SUCLG2: variants seen among roughly 807,000 people sequenced by gnomAD.
The protein encoded by SUCLG2 is succinate-CoA ligase GDP-forming subunit beta.
In SUCLG2, 42 loss-of-function variants were observed where a neutral mutation model predicts 47.9. That is an observed-to-expected ratio of 0.88 (90% CI 0.69 to 1.14). The LOEUF is 1.14. SUCLG2 is among the 50% of genes most tolerant of loss of function. The pLI is 0.00. For missense variants in SUCLG2, 571 were observed against 525.9 expected (o/e 1.09, Z -0.84); for synonymous variants, 195 against 197.3 (o/e 0.99, Z 0.10).
intron 1 of SUCLG2, among the ~76,000 whole-genome samples, chr3:67,625,769 C>T (rs898325768): frequency 6.6e-6 from 1 of 152,138 alleles, no homozygotes; most frequent in Admixed American, 6.5e-5. Flanking sequence ...CACCAAGTAT[C>T]ACCTACACTA....
At chr3:67,481,950 G>A (rs1253820376) in intron 9 of SUCLG2, among the ~76,000 whole-genome samples, 1 of 152,140 alleles carries the variant, frequency 6.6e-6, no homozygotes, top group Non-Finnish European at 1.5e-5. Flanking sequence ...AGGCCGAGGC[G>A]GGCGGACCAC....
At chr3:67,365,381 C>T (rs1210033377) in intron 10 of SUCLG2, among the ~76,000 whole-genome samples, 2 of 152,116 alleles carry the variant, frequency 1.3e-5, no homozygotes, top group East Asian at 3.9e-4. Context: ...TCACTTTGTT[C>T]AGATTATGAA....
intron 2 of SUCLG2, among the ~76,000 whole-genome samples, chr3:67,559,688 C>A (rs1478327282): frequency 1.3e-5 from 2 of 152,062 alleles, no homozygotes; most frequent in African/African-American, 4.8e-5. Flanking sequence ...AGAGGTGAAA[C>A]TTTGTGAAAC....
chr3:67,372,388 T>G (rs1457960092), downstream of SUCLG2, among the ~76,000 whole-genome samples: 3 of 89,456 alleles, frequency 3.4e-5, no homozygotes, highest in African/African-American at 8.1e-5. Flanking sequence ...TCAAGTACAC[T>G]GCAGTCACTT....
chr3:67,478,819 G>A (rs776982248), intron 9 of SUCLG2, among the ~76,000 whole-genome samples: 86 of 152,188 alleles, frequency 5.7e-4, no homozygotes, highest in African/African-American at 4.8e-4. Flanking sequence ...TCGGGTCAGC[G>A]TCTCACCATA....
At chr3:67,570,378 G>A (rs1226547100) in intron 2 of SUCLG2, among the ~76,000 whole-genome samples, 1 of 152,208 alleles carries the variant, frequency 6.6e-6, no homozygotes, top group Non-Finnish European at 1.5e-5. Flanking sequence ...TTTTGTCAGG[G>A]ACTGTGTAGT....
chr3:67,630,989 T>C (rs1700914998), intron 1 of SUCLG2, among the ~76,000 whole-genome samples: 1 of 152,202 alleles, frequency 6.6e-6, no homozygotes, highest in African/African-American at 2.4e-5. Context: ...AGAAAAAGTT[T>C]GCAGACCAAT....
At chr3:67,608,978 G>T (rs894698012) in intron 2 of SUCLG2, among the ~76,000 whole-genome samples, 4 of 152,154 alleles carry the variant, frequency 2.6e-5, no homozygotes, top group African/African-American at 9.7e-5. Flanking sequence ...CACTGAGCCT[G>T]TTCTAAGGTT....
intron 2 of SUCLG2, among the ~76,000 whole-genome samples, chr3:67,580,635 C>G (rs377294113): frequency 1.3e-5 from 2 of 152,208 alleles, no homozygotes; most frequent in African/African-American, 4.8e-5. Context: ...AGAGATTGTC[C>G]CTTGATTAAC....
chr3:67,463,187 A>G (rs1464495322), intron 9 of SUCLG2, among the ~76,000 whole-genome samples: 5 of 152,262 alleles, frequency 3.3e-5, no homozygotes, highest in Non-Finnish European at 7.3e-5. Context: ...CTTCTTAACA[A>G]GGTGGCTGAA....
At chr3:67,605,150 T>C (rs1008124097) in intron 2 of SUCLG2, among the ~76,000 whole-genome samples, 1 of 152,188 alleles carries the variant, frequency 6.6e-6, no homozygotes, top group Non-Finnish European at 1.5e-5. Context: ...CCCATGATGG[T>C]ATCATAATTA....
At chr3:67,471,008 G>C (rs915167122) in intron 9 of SUCLG2, among the ~76,000 whole-genome samples, 4 of 152,132 alleles carry the variant, frequency 2.6e-5, no homozygotes, top group African/African-American at 7.2e-5. Context: ...CGCAAAAAGG[G>C]ACACTAGAGC....
chr3:67,463,686 A>C (rs961932528), intron 9 of SUCLG2, among the ~76,000 whole-genome samples: 1 of 152,146 alleles, frequency 6.6e-6, no homozygotes, highest in Non-Finnish European at 1.5e-5. Context: ...ACTTATATTT[A>C]ATTTAGATAC....
chr3:67,585,951 A>C (rs1220179232), intron 2 of SUCLG2, among the ~76,000 whole-genome samples: 2 of 138,390 alleles, frequency 1.4e-5, no homozygotes, highest in African/African-American at 5.4e-5. Context: ...TGGGCAAAAG[A>C]GCAAGACTCC....
intron 1 of SUCLG2, among the ~76,000 whole-genome samples, chr3:67,616,240 G>A (rs1290840722): frequency 6.6e-6 from 1 of 152,130 alleles, no homozygotes; most frequent in Non-Finnish European, 1.5e-5. Flanking sequence ...GTTAACCACT[G>A]AGATCTTAGG....
At chr3:67,559,177 C>T (rs545086074) in intron 2 of SUCLG2, among the ~76,000 whole-genome samples, 2 of 152,214 alleles carry the variant, frequency 1.3e-5, no homozygotes, top group African/African-American at 4.8e-5. Context: ...CATACGTGCA[C>T]AAGGGTGGCA....
intron 10 of SUCLG2, among the ~76,000 whole-genome samples, chr3:67,399,806 A>C (rs1552626): frequency 0.8 from 121,684 of 152,058 alleles, 48,918 homozygotes; most frequent in Admixed American, 0.87. Flanking sequence ...TCCACATGGA[A>C]ACTAATTTTC....
chr3:67,368,831 C>A (rs1037606190), intron 10 of SUCLG2, among the ~76,000 whole-genome samples: 1 of 152,102 alleles, frequency 6.6e-6, no homozygotes, highest in Non-Finnish European at 1.5e-5. Context: ...GTCTCGAATT[C>A]CTAACCTCAG....
chr3:67,485,648 A>AT (rs1164239186), intron 9 of SUCLG2, among the ~76,000 whole-genome samples: 1 of 152,238 alleles, frequency 6.6e-6, no homozygotes, highest in Non-Finnish European at 1.5e-5. Context: ...CAATTAGGAA[A>AT]TTTTTTAAAA....
Sources: gnomAD v4.1 joint callset for allele counts (sites outside exome capture counted in the v4.1 genomes callset) on GRCh38, gnomAD v4.1.1 for gene constraint, MANE v1.5 for transcripts, NCBI Gene and HGNC (gene_info 2026-07-23, HGNC 2026-07-21) for gene names.